Variants in DAB1 observed in about 807,000 individuals in gnomAD.
The protein encoded by DAB1 is DAB adaptor protein 1.
DAB1 carries 15 observed loss-of-function variants against 64.6 expected under a neutral mutation model. The ratio of observed to expected loss-of-function variants is 0.23; its 90% CI spans 0.16 to 0.36. The LOEUF is 0.36. Ranked by LOEUF, DAB1 falls within the 10% of genes least tolerant of loss-of-function variation. DAB1 has a pLI of 1.00. For missense variants in DAB1, 596 were observed against 706.7 expected, an observed-to-expected ratio of 0.84 and a Z score of 1.78; for synonymous variants, 235 against 251.9, an observed-to-expected ratio of 0.93 and a Z score of 0.64.
At chr1:57,362,059 C>A (rs1679593531) in intron 1 of DAB1, among the ~76,000 whole-genome samples, 1 of 152,122 alleles carries the variant, frequency 6.6e-6, no homozygotes, top group African/African-American at 2.4e-5. Flanking sequence ...CAGAGTTAAA[C>A]AATTATATAG....
chr1:57,743,648 A>AGGTGTGT (rs1186642071), intron 6 of DAB1, among the ~76,000 whole-genome samples: 2 of 152,158 alleles, frequency 1.3e-5, no homozygotes, highest in Admixed American at 6.5e-5. Flanking sequence ...CAGGGCCTAC[A>AGGTGTGT]GGTGTGTGCC....
intron 5 of DAB1, among the ~76,000 whole-genome samples, chr1:57,889,351 A>T (rs1268941651): frequency 2.0e-5 from 3 of 152,198 alleles, no homozygotes; most frequent in Non-Finnish European, 2.9e-5. Flanking sequence ...GTGCCATAGG[A>T]CCATATTTTC....
intron 11 of DAB1, among the ~76,000 whole-genome samples, chr1:57,021,346 G>A (rs1267783978): frequency 2.0e-5 from 3 of 152,156 alleles, no homozygotes; most frequent in Admixed American, 6.5e-5. Context: ...CCAGAGCAGT[G>A]CTGTGACTGA....
intron 1 of DAB1, among the ~76,000 whole-genome samples, chr1:57,363,783 C>T (rs146595824): frequency 6.6e-6 from 1 of 152,206 alleles, no homozygotes; most frequent in East Asian, 1.9e-4. Context: ...ACCAGGACAT[C>T]TAGAAATAAG....
intron 4 of DAB1, among the ~76,000 whole-genome samples, chr1:58,190,241 T>G (rs1331727352): frequency 6.6e-6 from 1 of 152,142 alleles, no homozygotes; most frequent in East Asian, 1.9e-4. Flanking sequence ...TAAGAAAGAA[T>G]CCTGCTGTTC....
At chr1:57,928,215 T>G (rs1014940463) in intron 5 of DAB1, among the ~76,000 whole-genome samples, 3 of 152,010 alleles carry the variant, frequency 2.0e-5, no homozygotes, top group Non-Finnish European at 2.9e-5. Context: ...GCCCAAAAAG[T>G]TCCTCAAGCA....
intron 1 of DAB1, among the ~76,000 whole-genome samples, chr1:58,544,029 G>C (rs1039631386): frequency 2.6e-5 from 4 of 152,170 alleles, no homozygotes; most frequent in Non-Finnish European, 5.9e-5. Context: ...GTGAATATCA[G>C]CAAAGTGATA....
intron 7 of DAB1, among the ~76,000 whole-genome samples, chr1:57,623,241 C>T (rs961634603): frequency 5.3e-5 from 8 of 152,106 alleles, no homozygotes; most frequent in South Asian, 2.1e-4. Context: ...GATCTTCCCA[C>T]GGAAGGAGTG....
At chr1:57,286,999 T>A (rs962279343) in intron 2 of DAB1, among the ~76,000 whole-genome samples, 8 of 152,212 alleles carry the variant, frequency 5.3e-5, no homozygotes, top group Non-Finnish European at 4.4e-5. Flanking sequence ...TATGATAAAA[T>A]TCAACATGCA....
At chr1:58,453,977 G>A (rs1391346416) in intron 3 of DAB1, among the ~76,000 whole-genome samples, 1 of 151,964 alleles carries the variant, frequency 6.6e-6, no homozygotes, top group Non-Finnish European at 1.5e-5. Flanking sequence ...ACATCAGCTT[G>A]TACAAGGCCC....
At chr1:57,911,893 A>G (rs1644650237) in intron 5 of DAB1, among the ~76,000 whole-genome samples, 1 of 152,102 alleles carries the variant, frequency 6.6e-6, no homozygotes, top group Admixed American at 6.6e-5. Flanking sequence ...TCTCTGCTTC[A>G]CTTCACCCTT....
chr1:57,332,388 T>C (rs955085667), intron 1 of DAB1, among the ~76,000 whole-genome samples: 3 of 152,208 alleles, frequency 2.0e-5, no homozygotes, highest in Non-Finnish European at 2.9e-5. Flanking sequence ...GTCTCTCAAC[T>C]GTCAAAATGA....
At chr1:57,673,200 T>C (rs564586279) in intron 6 of DAB1, among the ~76,000 whole-genome samples, 4 of 152,228 alleles carry the variant, frequency 2.6e-5, no homozygotes, top group Non-Finnish European at 5.9e-5. Flanking sequence ...AGAAGGGGCA[T>C]GGGACTTCAA....
At chr1:57,411,349 C>T (rs773187874) in intron 1 of DAB1, among the ~76,000 whole-genome samples, 3 of 152,166 alleles carry the variant, frequency 2.0e-5, no homozygotes, top group African/African-American at 7.2e-5. Context: ...TTTCTGTAGG[C>T]CTGTGGCTCC....
chr1:58,502,267 T>C (rs1171448658), intron 3 of DAB1, among the ~76,000 whole-genome samples: 1 of 152,236 alleles, frequency 6.6e-6, no homozygotes, highest in Admixed American at 6.5e-5. Context: ...TTTCTTGGTT[T>C]CCTATTTGCT....
At chr1:57,229,220 C>T (rs1274711331) in intron 2 of DAB1, among the ~76,000 whole-genome samples, 6 of 146,778 alleles carry the variant, frequency 4.1e-5, no homozygotes, top group African/African-American at 1.5e-4. Flanking sequence ...TTTAAACAGG[C>T]TCTCACTGTG....
rs139531780 is a variant in DAB1, at chr1:57,344,858, A to G, written c.-136-53692T>C. Reference sequence around the variant, plus strand: ...TTCATCATCTGTAAAATGGGGTAACACTATAGTCAGCATTAAGCTTTGGGA... The same window carrying G: ...TTCATCATCTGTAAAATGGGGTAACGCTATAGTCAGCATTAAGCTTTGGGA... On this transcript the variant is annotated intron_variant, in intron 1 of 14. Coordinates refer to ENST00000371236, the MANE Select transcript of DAB1 (RefSeq NM_001365792.1). Among the ~76,000 whole-genome samples, 817 of 152,212 alleles carry G rather than the reference A, an allele frequency of 5.4e-3. 10 individuals carry two copies. The highest frequency in any genetic ancestry group is 0.018 in the African/African-American group (750 of 41,540).
chr1:57,187,569 C>G (rs1384622313), intron 2 of DAB1, among the ~76,000 whole-genome samples: 1 of 152,180 alleles, frequency 6.6e-6, no homozygotes, highest in African/African-American at 2.4e-5. Flanking sequence ...CTGCACTTCC[C>G]TTGGGGCTGA....
intron 4 of DAB1, among the ~76,000 whole-genome samples, chr1:57,091,325 C>T (rs1171031466): frequency 6.6e-6 from 1 of 152,092 alleles, no homozygotes; most frequent in Non-Finnish European, 1.5e-5. Context: ...TTCTGTAGAC[C>T]CACGGAATAT....
Sources: gnomAD v4.1 joint callset for allele counts (sites outside exome capture counted in the v4.1 genomes callset) on GRCh38, gnomAD v4.1.1 for gene constraint, MANE v1.5 for transcripts, NCBI Gene and HGNC (gene_info 2026-07-23, HGNC 2026-07-21) for gene names.